WLS: variants seen among roughly 807,000 people sequenced by gnomAD.
The protein encoded by WLS is protein wntless homolog.
In WLS, 23 loss-of-function variants were observed where a neutral mutation model predicts 62.8. The observed-to-expected ratio is 0.37, with a 90% confidence interval of 0.26 to 0.52. The LOEUF (loss-of-function observed/expected upper bound fraction) is 0.52. WLS is among the 20% of genes least tolerant of loss of function. The pLI is 0.92. For synonymous variants in WLS, 246 were observed against 244.1 expected, an observed-to-expected ratio of 1.01 and a Z score of -0.07; for missense variants, 615 against 697.3, an observed-to-expected ratio of 0.88 and a Z score of 1.33.
rs917523746 is a variant in WLS, at chr1:68,119,427, G to A, written c.1510+18353C>T. Among the ~76,000 whole-genome samples the A allele has an allele frequency of 1.3e-5, 2 of 152,258 alleles. 1 individual carries two copies. The highest frequency in any genetic ancestry group is 4.1e-4 in the South Asian group (2 of 4,826). ...TAGGACCATTTTGTTTTTGAGACTG[G>A]ATTAAAAACAATGTAGCAGAGGCCA... is the stretch of plus-strand genomic sequence containing the variant. On this transcript the variant is annotated intron_variant, in intron 11 of 11. Transcript: ENST00000354777.
chr1:68,098,916 G>C (rs535830878), intron 11 of WLS: 2 of 1,081,296 alleles, frequency 1.8e-6, no homozygotes, highest in Non-Finnish European at 2.5e-6. Context: ...TTCATTGTGG[G>C]ACATTTGCAG....
Position 68,194,174 on chromosome 1 carries a change from G to A in WLS, c.160C>T (p.Arg54Cys), listed in dbSNP as rs368075278. Residue 54 changes from arginine to cysteine, a missense_variant, in exon 2 of 12, where the codon CGT becomes TGT. By Grantham distance (180) the Arg-to-Cys change is radical. Transcript: ENST00000262348. ...CATTTTGTCTTGTGATGGTTCTTAC[G>A]GGCATCCACACATTTCACCGACATG... is the stretch of plus-strand genomic sequence containing the variant. ...SYMSVKCVDA[R>C]KNHHKTKWFV... 4.3e-5 allele frequency: 69 copies of A among 1,614,130 alleles called. No homozygotes were observed. The highest frequency in any genetic ancestry group is 3.6e-4 in the South Asian group (33 of 91,072).
At chr1:68,194,299 C>T (rs3748703) in intron 1 of WLS, 72 bp from the exon 2 acceptor site, 113,388 of 1,540,908 alleles carry the variant, frequency 0.074, 4,389 homozygotes, top group Admixed American at 0.1. Flanking sequence ...AATATTCTTT[C>T]CACTGCTGTG....
At chr1:68,104,348 G>A (rs556884260) in intron 11 of WLS, among the ~76,000 whole-genome samples, 2 of 152,270 alleles carry the variant, frequency 1.3e-5, no homozygotes, top group South Asian at 4.2e-4. Flanking sequence ...CAAAGTCCAG[G>A]GAGGTCATTG....
At chr1:68,209,653 G>A (rs1317284705) in intron 1 of WLS, among the ~76,000 whole-genome samples, 1 of 152,156 alleles carries the variant, frequency 6.6e-6, no homozygotes, top group Non-Finnish European at 1.5e-5. Context: ...GGTGGCGCAT[G>A]CCTGTAATCC....
chr1:68,110,657 G>GTCTCTCTCTCTC (rs55965951), intron 11 of WLS, among the ~76,000 whole-genome samples: 5 of 113,970 alleles, frequency 4.4e-5, no homozygotes, highest in South Asian at 3.0e-4. Flanking sequence ...AAAAATCTCT[G>GTCTCTCTCTCTC]TCTCTCTCTC....
rs142909191 is a variant in WLS, at chr1:68,191,203, A to C, written c.379+2752T>G. On this transcript the variant is annotated intron_variant, in intron 2 of 11. Transcript: ENST00000262348. ...TTTCTTTATACTTGGAGCTAGAAGTAGGGATCTGTCTAGGAGAGATTATAC... is the reference window on the plus strand; with the variant it reads ...TTTCTTTATACTTGGAGCTAGAAGTCGGGATCTGTCTAGGAGAGATTATAC... Among the ~76,000 whole-genome samples, 427 of 152,312 alleles carry C rather than the reference A, an allele frequency of 2.8e-3. 8 individuals are homozygous for C. Among genetic ancestry groups the C allele is most frequent in the African/African-American group, 9.5e-3 (393 of 41,572 alleles).
chr1:68,190,511 CTT>C (rs1189670576), intron 2 of WLS, among the ~76,000 whole-genome samples: 3 of 152,236 alleles, frequency 2.0e-5, no homozygotes, highest in Non-Finnish European at 2.9e-5. Context: ...CAGGCTCTCT[CTT>C]GGCTCACTAT....
intron 11 of WLS, among the ~76,000 whole-genome samples, chr1:68,109,322 C>T (rs988559752): frequency 2.6e-5 from 4 of 152,148 alleles, no homozygotes; most frequent in South Asian, 2.1e-4. Context: ...CTTAGATTTC[C>T]GTGGATTAAG....
At chr1:68,224,699 G>C (rs1650071790) in intron 1 of WLS, among the ~76,000 whole-genome samples, 1 of 152,134 alleles carries the variant, frequency 6.6e-6, no homozygotes, top group South Asian at 2.1e-4. Flanking sequence ...TGTTAAGGAA[G>C]TAATAGGCCA....
At chr1:68,182,675 C>T (rs971687022) in intron 2 of WLS, among the ~76,000 whole-genome samples, 1 of 152,104 alleles carries the variant, frequency 6.6e-6, no homozygotes, top group East Asian at 1.9e-4. Context: ...TACCATTTAC[C>T]TAACACTACA....
intron 11 of WLS, among the ~76,000 whole-genome samples, chr1:68,116,583 G>A (rs151111492): frequency 6.6e-6 from 1 of 152,224 alleles, no homozygotes; most frequent in African/African-American, 2.4e-5. Context: ...TTCATTTAAG[G>A]ATTAAAGAAG....
chr1:68,205,047 A>C (rs1267668416), intron 1 of WLS, among the ~76,000 whole-genome samples: 3 of 152,230 alleles, frequency 2.0e-5, no homozygotes, highest in Non-Finnish European at 4.4e-5. Context: ...GTAACTAACA[A>C]AATTTTATCA....
chr1:68,207,890 T>C (rs35300157), intron 1 of WLS, among the ~76,000 whole-genome samples: 2 of 152,256 alleles, frequency 1.3e-5, no homozygotes, highest in African/African-American at 4.8e-5. Flanking sequence ...AATAGTGCTG[T>C]CAACACATGA....
At chr1:68,144,787 C>A in intron 9 of WLS, 135 bp from the exon 10 acceptor site, 1 of 678,160 alleles carries the variant, frequency 1.5e-6, no homozygotes, top group Non-Finnish European at 2.4e-6. Context: ...AATAGTTTCC[C>A]ATAGTAATAT....
At chr1:68,193,786 G>T in intron 2 of WLS, 169 bp downstream of exon 2, 3 of 841,440 alleles carry the variant, frequency 3.6e-6, no homozygotes, top group Non-Finnish European at 1.8e-6. Flanking sequence ...CTGGTGGGAA[G>T]ATTAAATGGG....
intron 11 of WLS, 26 bp from the exon 12 acceptor site, chr1:68,126,361 T>C: frequency 6.2e-7 from 1 of 1,613,556 alleles, no homozygotes; most frequent in African/African-American, 1.3e-5. Context: ...CGGTGTTAGA[T>C]GCATTCAAGG....
intron 1 of WLS, chr1:68,231,498 C>T (rs1571051195): frequency 3.3e-6 from 1 of 305,594 alleles, no homozygotes; most frequent in East Asian, 9.2e-5. Context: ...CGCTTTTCCC[C>T]TCCGACCTCT....
At chr1:68,139,424 A>T (rs927273236) in intron 10 of WLS, among the ~76,000 whole-genome samples, 9 of 152,232 alleles carry the variant, frequency 5.9e-5, no homozygotes, top group African/African-American at 2.4e-5. Flanking sequence ...AAAGGAAAAG[A>T]AAGCATTAAG....
Sources: allele counts gnomAD v4.1 joint callset (sites outside exome capture counted in the v4.1 genomes callset), GRCh38; gene constraint gnomAD v4.1.1; transcripts MANE v1.5; gene names NCBI Gene and HGNC (gene_info 2026-07-23, HGNC 2026-07-21).